The following ZNF385D variants were observed in gnomAD, a reference collection of about 807,000 sequenced individuals.
ZNF385D encodes the protein zinc finger protein 659.
ZNF385D carries 15 observed loss-of-function variants against 35.8 expected under a neutral mutation model. The observed-to-expected ratio is 0.42, with a 90% CI of 0.28 to 0.64. ZNF385D has a LOEUF of 0.64. Ranked by LOEUF, ZNF385D falls within the 30% of genes least tolerant of loss-of-function variation. The probability of loss-of-function intolerance (pLI) is 0.23; values close to 1 mark genes in which losing one functional copy is unlikely to be tolerated. For missense variants in ZNF385D, 474 were observed against 494.6 expected (o/e 0.96, Z 0.39); for synonymous variants, 212 against 186.8 (o/e 1.13, Z -1.10).
At chr3:22,025,230 G>C (rs1421831856) in intron 3 of ZNF385D, among the ~76,000 whole-genome samples, 3 of 152,144 alleles carry the variant, frequency 2.0e-5, no homozygotes, top group Non-Finnish European at 4.4e-5. Context: ...TTCTGTCTAA[G>C]GACATAAACT....
At chr3:22,273,926 AAGGAGAGGTAG>A (rs1701300816) in intron 2 of ZNF385D, among the ~76,000 whole-genome samples, 1 of 152,052 alleles carries the variant, frequency 6.6e-6, no homozygotes, top group Non-Finnish European at 1.5e-5. Context: ...CTACAAAAAG[AAGGAGAGGTAG>A]AGGAGAGATG....
chr3:22,280,196 T>C (rs1701664039), intron 2 of ZNF385D, among the ~76,000 whole-genome samples: 1 of 152,122 alleles, frequency 6.6e-6, no homozygotes, highest in South Asian at 2.1e-4. Context: ...ATGTATAGAT[T>C]GTGAAGATTT....
chr3:21,685,099 A>G (rs1275983659), intron 1 of ZNF385D, among the ~76,000 whole-genome samples: 1 of 152,200 alleles, frequency 6.6e-6, no homozygotes, highest in African/African-American at 2.4e-5. Context: ...TAACGCTAAG[A>G]AAAAAATACT....
chr3:22,192,105 C>G (rs1232900583), intron 2 of ZNF385D, among the ~76,000 whole-genome samples: 1 of 152,152 alleles, frequency 6.6e-6, no homozygotes, highest in Non-Finnish European at 1.5e-5. Context: ...TGCCCTGTCC[C>G]TAACCTCAGG....
intron 3 of ZNF385D, among the ~76,000 whole-genome samples, chr3:21,998,989 A>G (rs888916386): frequency 2.0e-5 from 3 of 152,190 alleles, no homozygotes; most frequent in African/African-American, 7.2e-5. Context: ...CTGGCATCCA[A>G]TTGAGATAGT....
intron 3 of ZNF385D, among the ~76,000 whole-genome samples, chr3:21,780,172 T>A (rs574814202): frequency 1.3e-5 from 2 of 152,140 alleles, no homozygotes; most frequent in African/African-American, 4.8e-5. Flanking sequence ...AACCCTTACA[T>A]AACATTTACT....
chr3:22,089,493 C>T (rs1701214268), intron 3 of ZNF385D, among the ~76,000 whole-genome samples: 1 of 152,202 alleles, frequency 6.6e-6, no homozygotes, highest in African/African-American at 2.4e-5. Context: ...ATTTCTGCAA[C>T]ACCTGGCTCC....
intron 1 of ZNF385D, among the ~76,000 whole-genome samples, chr3:21,710,300 AATAG>A (rs1437132852): frequency 6.6e-6 from 1 of 152,202 alleles, no homozygotes; most frequent in Non-Finnish European, 1.5e-5. Context: ...TACGAAAATA[AATAG>A]ATAGATACTT....
intron 5 of ZNF385D, among the ~76,000 whole-genome samples, chr3:21,430,869 C>T (rs1382624612): frequency 6.6e-5 from 10 of 152,114 alleles, no homozygotes; most frequent in Admixed American, 6.6e-5. Context: ...ATCACACTTC[C>T]ATAGTATAAT....
chr3:21,663,122 GA>G (rs896235267), intron 2 of ZNF385D, among the ~76,000 whole-genome samples: 2 of 151,916 alleles, frequency 1.3e-5, no homozygotes, highest in Non-Finnish European at 2.9e-5. Flanking sequence ...CTTTGCCCAT[GA>G]AAAAAACCCA....
intron 2 of ZNF385D, among the ~76,000 whole-genome samples, chr3:22,255,275 C>T (rs1700258027): frequency 6.6e-6 from 1 of 151,082 alleles, no homozygotes; most frequent in Non-Finnish European, 1.5e-5. Flanking sequence ...ATGTATTCCC[C>T]CCCCCAAAAT....
At chr3:21,712,563 G>C (rs959981040) in intron 1 of ZNF385D, among the ~76,000 whole-genome samples, 1 of 152,058 alleles carries the variant, frequency 6.6e-6, no homozygotes, top group Non-Finnish European at 1.5e-5. Context: ...TTTAAAAAAA[G>C]TCTGTCACTT....
intron 3 of ZNF385D, among the ~76,000 whole-genome samples, chr3:21,800,681 T>C (rs2072356219): frequency 6.6e-6 from 1 of 152,204 alleles, no homozygotes; most frequent in Non-Finnish European, 1.5e-5. Flanking sequence ...GAATTGCTTT[T>C]CTAAGTTCCT....
chr3:21,815,803 A>G (rs2073121811), intron 3 of ZNF385D, among the ~76,000 whole-genome samples: 1 of 152,206 alleles, frequency 6.6e-6, no homozygotes, highest in Non-Finnish European at 1.5e-5. Flanking sequence ...CAATAGAAAA[A>G]GAGGAAATCC....
intron 3 of ZNF385D, among the ~76,000 whole-genome samples, chr3:22,010,711 A>C (rs960493713): frequency 1.3e-5 from 2 of 152,228 alleles, no homozygotes; most frequent in African/African-American, 4.8e-5. Flanking sequence ...CAGAGCCAGA[A>C]GAGAACCAGG....
intron 3 of ZNF385D, chr3:21,511,545 A>G (rs557927810): frequency 3.5e-4 from 131 of 376,782 alleles, no homozygotes; most frequent in African/African-American, 2.6e-3. Flanking sequence ...TAGAGTTCAA[A>G]AGCAAATGCA....
intron 2 of ZNF385D, among the ~76,000 whole-genome samples, chr3:21,581,233 C>G (rs1454017064): frequency 2.0e-5 from 3 of 152,120 alleles, no homozygotes; most frequent in Non-Finnish European, 4.4e-5. Context: ...TTTATTGTCT[C>G]CTTTTCTTTT....
At chr3:21,999,641 C>G (rs1318428125) in intron 3 of ZNF385D, among the ~76,000 whole-genome samples, 1 of 151,988 alleles carries the variant, frequency 6.6e-6, no homozygotes, top group Non-Finnish European at 1.5e-5. Flanking sequence ...ACTCAGTGTT[C>G]TTACACATTA....
At chr3:21,453,385 A>C (rs1380200669) in intron 4 of ZNF385D, among the ~76,000 whole-genome samples, 1 of 152,034 alleles carries the variant, frequency 6.6e-6, no homozygotes, top group Non-Finnish European at 1.5e-5. Flanking sequence ...CATCAAAATT[A>C]AGTTTTTTCG....
Sources: gnomAD v4.1 joint callset for allele counts (sites outside exome capture counted in the v4.1 genomes callset) on GRCh38, gnomAD v4.1.1 for gene constraint, MANE v1.5 for transcripts, NCBI Gene and HGNC (gene_info 2026-07-23, HGNC 2026-07-21) for gene names.